The following MROH9 variants were observed in gnomAD, a reference collection of about 807,000 sequenced individuals.
MROH9 encodes maestro heat-like repeat-containing protein family member 9.
Under a neutral mutation model 98.2 loss-of-function variants are expected in MROH9, and 92 were observed. The observed-to-expected ratio is 0.94, with a 90% CI of 0.79 to 1.11. MROH9 has a LOEUF of 1.11. Among genes scored for constraint, MROH9 ranks in the 50% most tolerant of loss-of-function variants. The pLI is 0.00. For missense variants in MROH9, 1,057 were observed against 1,014.8 expected, an observed-to-expected ratio of 1.04 and a Z score of -0.57; for synonymous variants, 397 against 368.9, an observed-to-expected ratio of 1.08 and a Z score of -0.87.
At chr1:171,049,722 T>C (rs1653603941) in intron 20 of MROH9, among the ~76,000 whole-genome samples, 1 of 152,058 alleles carries the variant, frequency 6.6e-6, no homozygotes, top group Non-Finnish European at 1.5e-5. Flanking sequence ...GTCTCCTCTG[T>C]AGCCCAGGCT....
At chr1:171,014,867 T>G (rs770412771) in intron 16 of MROH9, 17 of 426,418 alleles carry the variant, frequency 4.0e-5, no homozygotes, top group Admixed American at 7.9e-5. Context: ...CCCACCCCCG[T>G]CCTATGGAAT....
At chr1:171,041,010 A>G (rs1223926038) in intron 20 of MROH9, among the ~76,000 whole-genome samples, 1 of 151,984 alleles carries the variant, frequency 6.6e-6, no homozygotes, top group African/African-American at 2.4e-5. Context: ...ATTTAGGGAT[A>G]CAAGTACAGT....
intron 15 of MROH9, among the ~76,000 whole-genome samples, chr1:171,004,761 C>T (rs987594869): frequency 1.3e-5 from 2 of 151,920 alleles, no homozygotes; most frequent in Admixed American, 6.6e-5. Flanking sequence ...GTCCTGCTTC[C>T]CATCTGCCAT....
intron 7 of MROH9, among the ~76,000 whole-genome samples, chr1:170,966,350 A>G (rs1195986982): frequency 1.3e-5 from 2 of 152,182 alleles, no homozygotes; most frequent in East Asian, 1.9e-4. Context: ...TATACTACCT[A>G]TGAACATTTC....
chr1:171,045,762 T>C (rs1200837215), intron 20 of MROH9, among the ~76,000 whole-genome samples: 1 of 152,214 alleles, frequency 6.6e-6, no homozygotes, highest in African/African-American at 2.4e-5. Flanking sequence ...AGAATGTGTA[T>C]TCTGCAGCTC....
intron 20 of MROH9, among the ~76,000 whole-genome samples, chr1:171,031,028 G>T (rs141057443): frequency 6.6e-6 from 1 of 151,966 alleles, no homozygotes; most frequent in Non-Finnish European, 1.5e-5. Flanking sequence ...TCCCTTTTCC[G>T]TAATGTAATG....
chr1:170,942,344 A>T (rs973259610), intron 1 of MROH9, among the ~76,000 whole-genome samples: 1 of 150,068 alleles, frequency 6.7e-6, no homozygotes, highest in Non-Finnish European at 1.5e-5. Context: ...AGGCAATTAC[A>T]GTTTCCTCCG....
At chr1:170,989,741 T>C in intron 10 of MROH9, 114 bp from the exon 11 acceptor site, 1 of 891,924 alleles carries the variant, frequency 1.1e-6, no homozygotes. Context: ...TGTATGTTAG[T>C]TGCTGCTTTG....
At chr1:170,983,887 C>A (rs549700037) in intron 9 of MROH9, among the ~76,000 whole-genome samples, 19 of 152,280 alleles carry the variant, frequency 1.2e-4, no homozygotes, top group Middle Eastern at 3.4e-3. Context: ...AGTTAACAGA[C>A]TTTCCAATAC....
intron 20 of MROH9, among the ~76,000 whole-genome samples, chr1:171,031,488 A>G (rs1311904471): frequency 6.6e-6 from 1 of 152,118 alleles, no homozygotes. Flanking sequence ...TAATAATGAA[A>G]TCCCTCAACA....
At chr1:171,059,420 A>G (rs1653947235) in intron 20 of MROH9, among the ~76,000 whole-genome samples, 1 of 152,172 alleles carries the variant, frequency 6.6e-6, no homozygotes, top group South Asian at 2.1e-4. Flanking sequence ...GAGAAATAGG[A>G]ATGCTTTTAC....
chr1:170,969,920 C>A (rs1482953473), intron 7 of MROH9, among the ~76,000 whole-genome samples: 1 of 152,148 alleles, frequency 6.6e-6, no homozygotes, highest in Non-Finnish European at 1.5e-5. Flanking sequence ...TCTGAAGGGG[C>A]TTGGCAGGAT....
In MROH9 at chr1:171,023,251, A is replaced by G. The variant is rs557308426; in HGVS notation, c.1909-1144A>G. Among the ~76,000 whole-genome samples the G allele has an allele frequency of 2.4e-3, 365 of 152,332 alleles. 1 individual carries two copies. Among genetic ancestry groups the G allele is most frequent in the Non-Finnish European group, 3.7e-3 (253 of 68,036 alleles). On this transcript the variant is annotated intron_variant, in intron 17 of 21. Coordinates refer to ENST00000367759, the MANE Select transcript of MROH9 (RefSeq NM_001163629.2). ...AATATAAATAAATAAAAATTTAAAA[A>G]TTAACCTCTTCTGACTTGCAATTTT...
At chr1:170,970,410 G>A (rs886366462) in intron 7 of MROH9, among the ~76,000 whole-genome samples, 3 of 151,606 alleles carry the variant, frequency 2.0e-5, no homozygotes, top group Admixed American at 1.3e-4. Context: ...AACTTGGAAT[G>A]CAAACCCAAA....
chr1:171,050,098 G>A (rs1339701349), intron 20 of MROH9, among the ~76,000 whole-genome samples: 1 of 152,142 alleles, frequency 6.6e-6, no homozygotes, highest in African/African-American at 2.4e-5. Flanking sequence ...TGTTTACTCA[G>A]CTGATTATTT....
At chr1:170,948,466 C>T (rs1362032277) in intron 3 of MROH9, among the ~76,000 whole-genome samples, 7 of 151,930 alleles carry the variant, frequency 4.6e-5, no homozygotes, top group Non-Finnish European at 1.0e-4. Context: ...TAATCCTTTC[C>T]CATTTGTATA....
intron 3 of MROH9, 111 bp downstream of exon 3, chr1:170,947,684 TG>T: frequency 9.9e-7 from 1 of 1,011,216 alleles, no homozygotes; most frequent in Non-Finnish European, 1.5e-6. Context: ...ATACATGTGT[TG>T]GGGGAGAAAG....
At chr1:171,051,381 A>C (rs911482424) in intron 20 of MROH9, among the ~76,000 whole-genome samples, 4 of 152,202 alleles carry the variant, frequency 2.6e-5, no homozygotes, top group Non-Finnish European at 5.9e-5. Context: ...AATGTGGTAC[A>C]TATATGCCAT....
chr1:171,058,313 A>G (rs921439155), intron 20 of MROH9, among the ~76,000 whole-genome samples: 4 of 151,782 alleles, frequency 2.6e-5, no homozygotes, highest in Non-Finnish European at 4.4e-5. Context: ...AAGGAGAATT[A>G]CAAACCACGG....
Sources: gnomAD v4.1 joint callset for allele counts (sites outside exome capture counted in the v4.1 genomes callset) on GRCh38, gnomAD v4.1.1 for gene constraint, MANE v1.5 for transcripts, NCBI Gene and HGNC (gene_info 2026-07-23, HGNC 2026-07-21) for gene names.